Variants in KLHDC4 observed in about 807,000 individuals in gnomAD.
KLHDC4 encodes kelch domain-containing protein 4.
Under a neutral mutation model 62.4 loss-of-function variants are expected in KLHDC4, and 90 were observed. That is an observed-to-expected ratio of 1.44 (90% CI 1.22 to 1.72). The LOEUF (loss-of-function observed/expected upper bound fraction) is 1.72, where lower values mean the gene tolerates loss of function less well. KLHDC4 is among the 40% of genes most tolerant of loss of function. KLHDC4 has a pLI of 0.00. For missense variants in KLHDC4, 1,025 were observed against 699.7 expected, an observed-to-expected ratio of 1.47 and a Z score of -5.25; for synonymous variants, 386 against 284.4, an observed-to-expected ratio of 1.36 and a Z score of -3.59.
exon 1 of KLHDC4, chr16:87,702,118 C>T (rs2034172159): frequency 1.1e-5 from 5 of 456,296 alleles, no homozygotes; most frequent in Non-Finnish European, 1.8e-5. Flanking sequence ...CAGAGCTTCC[C>T]GCATGATCGT....
At chr16:87,736,619 GACAGGGC>G (rs1415736126) in intron 5 of KLHDC4, among the ~76,000 whole-genome samples, 2 of 152,194 alleles carry the variant, frequency 1.3e-5, no homozygotes, top group East Asian at 3.9e-4. Flanking sequence ...ATAGTGTAAA[GACAGGGC>G]ACTTAATCAC....
chr16:87,708,931 G>A (rs1476269230), intron 10 of KLHDC4, among the ~76,000 whole-genome samples: 1 of 152,244 alleles, frequency 6.6e-6, no homozygotes, highest in South Asian at 2.1e-4. Flanking sequence ...AGCAAGGCTG[G>A]AGGCTCAGAC....
At chr16:87,724,984 T>A in intron 7 of KLHDC4, among the ~76,000 whole-genome samples, 1 of 152,090 alleles carries the variant, frequency 6.6e-6, no homozygotes, top group East Asian at 1.9e-4. Flanking sequence ...AACCACAAAC[T>A]GTGGGACAGT....
intron 7 of KLHDC4, among the ~76,000 whole-genome samples, chr16:87,724,654 C>T (rs1300739639): frequency 6.6e-6 from 1 of 152,152 alleles, no homozygotes; most frequent in Non-Finnish European, 1.5e-5. Context: ...ACCAGAGCAG[C>T]TAAAAACAGA....
intron 5 of KLHDC4, among the ~76,000 whole-genome samples, chr16:87,744,587 A>C (rs1410407129): frequency 1.3e-5 from 2 of 152,122 alleles, no homozygotes; most frequent in East Asian, 3.8e-4. Context: ...TCTCAGAAAA[A>C]AAAAAAAAAT....
chr16:87,740,138 G>C (rs978571345), intron 5 of KLHDC4, among the ~76,000 whole-genome samples: 2 of 152,166 alleles, frequency 1.3e-5, no homozygotes, highest in African/African-American at 4.8e-5. Flanking sequence ...GGAAGAGAAG[G>C]TGGCAAGTGC....
chr16:87,736,718 C>T (rs2041377125), intron 5 of KLHDC4, among the ~76,000 whole-genome samples: 1 of 152,192 alleles, frequency 6.6e-6, no homozygotes. Flanking sequence ...ATGATTACTA[C>T]TCAGAGAAAA....
intron 5 of KLHDC4, among the ~76,000 whole-genome samples, chr16:87,744,166 A>G (rs1363998079): frequency 6.6e-6 from 1 of 152,182 alleles, no homozygotes; most frequent in Non-Finnish European, 1.5e-5. Flanking sequence ...CTGTAATCCC[A>G]GCACTTTGTG....
chr16:87,758,198 A>G (rs1409896894), intron 2 of KLHDC4, among the ~76,000 whole-genome samples: 1 of 152,242 alleles, frequency 6.6e-6, no homozygotes, highest in African/African-American at 2.4e-5. Context: ...AGCTAAACAC[A>G]GAATCACCAC....
At chr16:87,713,726 C>T (rs1464194439) in intron 8 of KLHDC4, among the ~76,000 whole-genome samples, 1 of 152,128 alleles carries the variant, frequency 6.6e-6, no homozygotes, top group Non-Finnish European at 1.5e-5. Flanking sequence ...GTGAGAGTGG[C>T]TGACACATCC....
At chr16:87,763,914 G>C (rs1055953242) in intron 1 of KLHDC4, among the ~76,000 whole-genome samples, 1 of 152,208 alleles carries the variant, frequency 6.6e-6, no homozygotes. Flanking sequence ...TGGGGTATAG[G>C]TAAGACCACA....
intron 4 of KLHDC4, among the ~76,000 whole-genome samples, chr16:87,752,756 C>T (rs1442177760): frequency 2.0e-5 from 3 of 152,108 alleles, no homozygotes; most frequent in Admixed American, 1.3e-4. Context: ...GTATAGCCTA[C>T]GCCCCAAAGA....
chr16:87,762,088 C>A (rs1218886556), intron 1 of KLHDC4, 48 bp from the exon 2 acceptor site: 1 of 1,601,320 alleles, frequency 6.2e-7, no homozygotes. Context: ...CAGGACCCGC[C>A]GCGGAGCCAC....
intron 4 of KLHDC4, chr16:87,750,412 T>A (rs533361727): frequency 6.6e-6 from 1 of 152,378 alleles, no homozygotes; most frequent in East Asian, 1.9e-4. Flanking sequence ...CCTAGTGGCA[T>A]AATTAAGAGA....
At chr16:87,722,213 T>A (rs369618142) in intron 7 of KLHDC4, among the ~76,000 whole-genome samples, 2 of 152,168 alleles carry the variant, frequency 1.3e-5, no homozygotes, top group African/African-American at 2.4e-5. Context: ...CCAGACTGAC[T>A]CGGAATTTAT....
chr16:87,716,236 C>T (rs554731034), intron 7 of KLHDC4, among the ~76,000 whole-genome samples: 10 of 151,852 alleles, frequency 6.6e-5, no homozygotes, highest in East Asian at 3.9e-4. Context: ...TTTGGGTACG[C>T]GCTATGTCTC....
intron 5 of KLHDC4, among the ~76,000 whole-genome samples, chr16:87,743,973 G>T (rs974034099): frequency 6.6e-6 from 1 of 151,020 alleles, no homozygotes; most frequent in Non-Finnish European, 1.5e-5. Flanking sequence ...AAATCCTTCT[G>T]GACTTTTAAC....
intron 7 of KLHDC4, 76 bp from the exon 8 acceptor site, chr16:87,714,649 G>T (rs1485982704): frequency 2.7e-6 from 4 of 1,506,106 alleles, no homozygotes; most frequent in Non-Finnish European, 3.7e-6. Flanking sequence ...CCCTGTGGGC[G>T]CATTTTGGAT....
intron 7 of KLHDC4, among the ~76,000 whole-genome samples, chr16:87,718,645 A>T (rs2037568372): frequency 6.7e-6 from 1 of 149,768 alleles, no homozygotes; most frequent in Admixed American, 6.6e-5. Flanking sequence ...CCCGGCCGCC[A>T]CCTCGTCTGG....
Sources: gnomAD v4.1 joint callset for allele counts (sites outside exome capture counted in the v4.1 genomes callset) on GRCh38, gnomAD v4.1.1 for gene constraint, MANE v1.5 for transcripts, NCBI Gene and HGNC (gene_info 2026-07-23, HGNC 2026-07-21) for gene names.